PTK2: variants seen among roughly 807,000 people sequenced by gnomAD.
PTK2 encodes protein tyrosine kinase 2, also known as focal adhesion kinase 1.
A neutral mutation model predicts 150.1 loss-of-function variants in PTK2; 45 were observed. The ratio of observed to expected loss-of-function variants is 0.30; its 90% CI spans 0.24 to 0.38. The LOEUF is 0.38. Among genes scored for constraint, PTK2 ranks in the 10% least tolerant of loss-of-function variants. The probability of loss-of-function intolerance (pLI) is 1.00; values close to 1 mark genes in which losing one functional copy is unlikely to be tolerated. For synonymous variants in PTK2, 432 were observed against 449.2 expected (o/e 0.96, Z 0.48); for missense variants, 919 against 1,307.3 (o/e 0.70, Z 4.58).
At chr8:140,825,958 G>C (rs924251825) in intron 8 of PTK2, among the ~76,000 whole-genome samples, 1 of 152,136 alleles carries the variant, frequency 6.6e-6, no homozygotes, top group Admixed American at 6.5e-5. Context: ...CTTAGTAATT[G>C]AGGCACATAT....
chr8:140,927,286 T>A (rs2100169823), intron 1 of PTK2: 1 of 152,216 alleles, frequency 6.6e-6, no homozygotes, highest in South Asian at 2.1e-4. Flanking sequence ...GCAACTTATT[T>A]CATCACCATC....
At chr8:140,730,963 C>A (rs1325209013) in intron 22 of PTK2, among the ~76,000 whole-genome samples, 3 of 142,434 alleles carry the variant, frequency 2.1e-5, no homozygotes, top group Admixed American at 2.1e-4. Context: ...ACCCCCCCCC[C>A]CCTTTTTTTT....
At chr8:140,890,868 G>A in intron 2 of PTK2, 99 bp from the exon 3 acceptor site, 2 of 1,030,986 alleles carry the variant, frequency 1.9e-6, no homozygotes, top group South Asian at 3.0e-5. Context: ...ACTCTCTCTT[G>A]ATATGTTATA....
intron 22 of PTK2, among the ~76,000 whole-genome samples, chr8:140,731,614 G>T (rs1238219882): frequency 6.6e-6 from 1 of 152,090 alleles, no homozygotes; most frequent in Non-Finnish European, 1.5e-5. Context: ...AATATACAAG[G>T]CTGGGCATGG....
intron 2 of PTK2, among the ~76,000 whole-genome samples, chr8:140,907,765 G>A (rs1184054840): frequency 1.3e-5 from 2 of 151,958 alleles, no homozygotes; most frequent in South Asian, 2.1e-4. Flanking sequence ...TAACTGTCTT[G>A]GGGTGCCACA....
chr8:140,945,995 G>A (rs758116838), intron 1 of PTK2, among the ~76,000 whole-genome samples: 15 of 151,986 alleles, frequency 9.9e-5, no homozygotes, highest in Non-Finnish European at 2.2e-4. Flanking sequence ...TATTTTTGCT[G>A]GTACCACAGG....
At chr8:140,964,391 T>C (rs968422304) in intron 1 of PTK2, among the ~76,000 whole-genome samples, 17 of 151,878 alleles carry the variant, frequency 1.1e-4, no homozygotes, top group Admixed American at 9.8e-4. Flanking sequence ...TCTTTTTTTT[T>C]TTCTGGAGAT....
At chr8:140,791,325 T>C (rs1299894432) in intron 13 of PTK2, among the ~76,000 whole-genome samples, 2 of 152,170 alleles carry the variant, frequency 1.3e-5, no homozygotes, top group African/African-American at 4.8e-5. Context: ...CACAGGAACA[T>C]GCCACATTGC....
At chr8:141,001,239 CCGGCGGCGG>C (rs559713729), upstream of PTK2, 6 of 148,208 alleles carry the variant, frequency 4.0e-5, no homozygotes, top group Non-Finnish European at 7.5e-5. Flanking sequence ...TGGTCCGGGA[CCGGCGGCGG>C]CGGCGGCGGC....
At chr8:140,726,955 T>G (rs1223077953) in intron 22 of PTK2, among the ~76,000 whole-genome samples, 11 of 152,182 alleles carry the variant, frequency 7.2e-5, no homozygotes, top group Admixed American at 2.0e-4. Flanking sequence ...GTGGTGGTGG[T>G]AAATGGACAT....
chr8:140,813,065 G>A (rs1305931749), intron 10 of PTK2, among the ~76,000 whole-genome samples: 1 of 152,072 alleles, frequency 6.6e-6, no homozygotes, highest in African/African-American at 2.4e-5. Flanking sequence ...CCACCCCAAA[G>A]CAACAAAATA....
intron 11 of PTK2, among the ~76,000 whole-genome samples, chr8:140,802,394 T>G (rs552407681): frequency 6.6e-6 from 1 of 152,272 alleles, no homozygotes; most frequent in South Asian, 2.1e-4. Flanking sequence ...AAATTTTTTG[T>G]ACAGCTGTAC....
At chr8:140,906,017 C>A (rs557431413) in intron 2 of PTK2, among the ~76,000 whole-genome samples, 1 of 151,298 alleles carries the variant, frequency 6.6e-6, no homozygotes, top group Non-Finnish European at 1.5e-5. Context: ...AAAAAAAAAC[C>A]TCAAAAGGAT....
At chr8:140,824,158 A>G (rs978494646) in intron 8 of PTK2, among the ~76,000 whole-genome samples, 6 of 152,198 alleles carry the variant, frequency 3.9e-5, no homozygotes, top group Admixed American at 3.3e-4. Context: ...AAAGAACTCA[A>G]CTGCTCTCCC....
At chr8:140,739,466 C>T (rs966265261) in intron 20 of PTK2, among the ~76,000 whole-genome samples, 3 of 152,130 alleles carry the variant, frequency 2.0e-5, no homozygotes, top group African/African-American at 4.8e-5. Flanking sequence ...GGTTAGAATG[C>T]TCGCTATACA....
intron 8 of PTK2, among the ~76,000 whole-genome samples, chr8:140,829,108 GAA>G (rs943186803): frequency 6.6e-6 from 1 of 152,166 alleles, no homozygotes; most frequent in African/African-American, 2.4e-5. Flanking sequence ...AATGAACACT[GAA>G]AAAGTCGAGC....
chr8:140,747,442 A>G (rs1313789941), intron 17 of PTK2, among the ~76,000 whole-genome samples: 7 of 21,728 alleles, frequency 3.2e-4, no homozygotes, highest in African/African-American at 4.4e-4. Context: ...AGGAGAAGAA[A>G]GGGGGGGGGA....
exon 32 of PTK2, chr8:140,659,593 C>T (rs990008323): frequency 1.2e-6 from 2 of 1,614,162 alleles, no homozygotes; most frequent in East Asian, 2.2e-5. Flanking sequence ...TTGCTGGAGG[C>T]TGGTCATGAC....
intron 23 of PTK2, among the ~76,000 whole-genome samples, chr8:140,710,994 G>A (rs1042960762): frequency 6.6e-6 from 1 of 152,218 alleles, no homozygotes; most frequent in Admixed American, 6.5e-5. Context: ...CTGGAGTGCA[G>A]TGGCACGATC....
Sources: allele counts gnomAD v4.1 joint callset (sites outside exome capture counted in the v4.1 genomes callset), GRCh38; gene constraint gnomAD v4.1.1; transcripts MANE v1.5; gene names NCBI Gene and HGNC (gene_info 2026-07-23, HGNC 2026-07-21).